ADGRF3: variants seen among roughly 807,000 people sequenced by gnomAD.
ADGRF3 encodes G protein-coupled receptor 113.
A neutral mutation model predicts 93.2 loss-of-function variants in ADGRF3; 85 were observed. The observed-to-expected ratio is 0.91, with a 90% CI of 0.77 to 1.09. ADGRF3 has a LOEUF of 1.09. Ranked by LOEUF, ADGRF3 falls within the 50% of genes least tolerant of loss-of-function variation. The pLI, the probability that ADGRF3 is intolerant of heterozygous loss-of-function variation, is 0.00. For missense variants in ADGRF3, 1,125 were observed against 1,246.2 expected (o/e 0.90, Z 1.46); for synonymous variants, 534 against 532.5 (o/e 1.00, Z -0.04).
chr2:26,343,443 T>A (rs528130450), intron 1 of ADGRF3, among the ~76,000 whole-genome samples: 1 of 151,982 alleles, frequency 6.6e-6, no homozygotes, highest in Admixed American at 6.6e-5. Context: ...TGATCTTTTT[T>A]TTTTTTATTT....
In ADGRF3 at chr2:26,316,410, A is replaced by T. The variant is rs1410878149; in HGVS notation, c.364T>A (p.Cys122Ser). 2.6e-6 allele frequency: 4 copies of T among 1,551,688 alleles called. No homozygotes were observed. In the Admixed American group the frequency reaches 7.8e-5, roughly 30 times the overall value. Residue 122 changes from cysteine to serine, a missense_variant, in exon 4 of 14, where the codon TGC (cysteine) becomes AGC (serine). Transcript: ENST00000651242. ...VNHKGNFYCA[C>S]LSGYQWNTSI... ...GTGTTCCACTGGTAGCCAGAGAGGC[A>T]AGCACAATAGAAATTCCCCTTGTGG...
intron 6 of ADGRF3, 142 bp downstream of exon 6, chr2:26,314,272 G>T: frequency 1.3e-6 from 1 of 790,144 alleles, no homozygotes; most frequent in Non-Finnish European, 2.0e-6. Flanking sequence ...GCTCTGATGG[G>T]GTAGAAAACA....
intron 1 of ADGRF3, among the ~76,000 whole-genome samples, chr2:26,327,361 C>T (rs12621217): frequency 2.6e-5 from 4 of 152,146 alleles, no homozygotes. Flanking sequence ...TTCATTTGCA[C>T]TCTTGATCTT....
At chr2:26,309,724 G>A (rs1232711297) in intron 12 of ADGRF3, 143 bp from the exon 13 acceptor site, 2 of 1,253,970 alleles carry the variant, frequency 1.6e-6, no homozygotes, top group Non-Finnish European at 2.2e-6. Context: ...CTCAGCTACA[G>A]TAACTCCCAT....
At position 26,315,628 on chromosome 2, in the gene ADGRF3, T is replaced by C. The variant is rs1255772078; in HGVS notation, c.612A>G (p.Pro204=). The C allele has an allele frequency of 1.9e-6, 3 of 1,551,598 alleles. No individual in the cohort carries two copies. The highest frequency in any genetic ancestry group is 2.4e-5 in the East Asian group (1 of 40,900). The part of the protein sequence containing the change: ...ATNLSWFLRH[P]GSPSPILLQP... ...GCAGGAGGATGGGACTGGGGCTCCCTGGGTGCCTCAGGAACCAGCTCAGGT... is the reference window on the plus strand; with the variant it reads ...GCAGGAGGATGGGACTGGGGCTCCCCGGGTGCCTCAGGAACCAGCTCAGGT... Residue 204 remains proline, a synonymous_variant, in exon 5 of 14, where the codon CCA becomes CCG. Coordinates refer to ENST00000651242, the MANE Select transcript of ADGRF3 (RefSeq NM_001321971.2).
At chr2:26,323,029 C>G (rs1378812905) in intron 1 of ADGRF3, among the ~76,000 whole-genome samples, 1 of 152,084 alleles carries the variant, frequency 6.6e-6, no homozygotes, top group Non-Finnish European at 1.5e-5. Context: ...ATCCCAGTTA[C>G]TCAGGAGACG....
intron 1 of ADGRF3, among the ~76,000 whole-genome samples, chr2:26,344,305 G>C (rs961772783): frequency 1.3e-5 from 2 of 151,958 alleles, no homozygotes; most frequent in African/African-American, 4.8e-5. Flanking sequence ...CACCACACCC[G>C]GTTAGTTTTT....
rs545018007 is a variant in ADGRF3 at position 26,322,491 on chromosome 2, G to C, written c.115-4929C>G. Among the ~76,000 whole-genome samples the C allele has an allele frequency of 6.6e-5, 10 of 152,126 alleles. No individual in the cohort carries two copies. The South Asian group carries it at 2.1e-3, about 32-fold the overall frequency. On this transcript the variant is annotated intron_variant, in intron 1 of 13. Coordinates refer to ENST00000651242, the MANE Select transcript of ADGRF3 (RefSeq NM_001321971.2). ...GTTCAAATAAAGCTAAGGTGTCCAA[G>C]GTGTTCAAAACTATTGATAAAATTG...
chr2:26,345,940 T>C, intron 1 of ADGRF3, 181 bp downstream of exon 1: 1 of 595,930 alleles, frequency 1.7e-6, no homozygotes, highest in Non-Finnish European at 2.9e-6. Context: ...AGGCGGGACT[T>C]AGTGTTGCCT....
chr2:26,341,036 C>A (rs1676367310), intron 1 of ADGRF3, among the ~76,000 whole-genome samples: 1 of 152,166 alleles, frequency 6.6e-6, no homozygotes, highest in Non-Finnish European at 1.5e-5. Flanking sequence ...CTTCGAATGA[C>A]TACTGACACT....
intron 1 of ADGRF3, chr2:26,318,724 A>G (rs1674918864): frequency 1.2e-5 from 7 of 580,402 alleles, no homozygotes; most frequent in Admixed American, 3.2e-5. Context: ...TACAGCAGGT[A>G]TCATATGAGT....
intron 1 of ADGRF3, among the ~76,000 whole-genome samples, chr2:26,324,973 G>C (rs921760029): frequency 6.6e-6 from 1 of 152,148 alleles, no homozygotes; most frequent in Non-Finnish European, 1.5e-5. Flanking sequence ...TCACAGCCTT[G>C]CCAGCATCTG....
intron 1 of ADGRF3, among the ~76,000 whole-genome samples, chr2:26,328,539 C>T (rs184639410): frequency 1.1e-4 from 16 of 151,378 alleles, no homozygotes; most frequent in Non-Finnish European, 2.1e-4. Flanking sequence ...CTGCAATCTC[C>T]GCCTCCCAGG....
intron 6 of ADGRF3, 123 bp from the exon 7 acceptor site, chr2:26,314,026 G>T: frequency 8.3e-7 from 1 of 1,209,900 alleles, no homozygotes; most frequent in Non-Finnish European, 1.2e-6. Flanking sequence ...GTGGGGAAGA[G>T]CCAAATGATG....
chr2:26,333,517 AT>A (rs1675876562), intron 1 of ADGRF3, among the ~76,000 whole-genome samples: 1 of 49,000 alleles, frequency 2.0e-5, no homozygotes, highest in Admixed American at 2.0e-4. Context: ...GGTACCAGTC[AT>A]CTCATTAGCA....
rs777567619 is a variant in ADGRF3, at chr2:26,310,936, C to G, written c.2588G>C (p.Gly863Ala). 3.1e-6 allele frequency: 5 copies of G among 1,613,468 alleles called. No homozygotes were observed. The Admixed American group carries it at 8.3e-5, about 27-fold the overall frequency. Reference protein sequence around the residue: ...GKGGALYTFVGPVLAIIGVNG... With the variant: ...GKGGALYTFVAPVLAIIGVNG... The stretch of plus-strand genomic sequence containing the variant: ...CACGCCTATGATGGCCAGCACTGGC[C>G]CCACGAAGGTGTATAACGCCCCTCC... The change falls in exon 10 of 14, where the codon GGG (glycine) becomes GCG (alanine). Residue 863 changes from glycine to alanine, a missense_variant. Transcript: ENST00000651242.
rs1043044335 is a variant in ADGRF3, at chr2:26,315,579, TCA to T, written c.659_660del (p.Val220AspfsTer21). On this transcript the variant is annotated frameshift_variant, in exon 5 of 14. Transcript: ENST00000651242. LOFTEE classifies it high-confidence loss of function. ...ILLQPGTQVS[V>X]TSSHGQAALS... ...AGGGCAGCCTGGCCGTGGCTGGAAG[TCA>T]CAGACACCTGTGTCCCTGGCTGCAG... 6.4e-7 allele frequency: 1 copy of T among 1,551,514 alleles called. No individual in the cohort carries two copies.
intron 1 of ADGRF3, among the ~76,000 whole-genome samples, chr2:26,338,485 G>A (rs540289520): frequency 7.2e-5 from 11 of 152,216 alleles, no homozygotes; most frequent in East Asian, 1.9e-4. Context: ...GTTTTGAGAC[G>A]GAGTTTCGCT....
At chr2:26,323,640 T>G (rs978790507) in intron 1 of ADGRF3, among the ~76,000 whole-genome samples, 1 of 150,900 alleles carries the variant, frequency 6.6e-6, no homozygotes, top group Non-Finnish European at 1.5e-5. Flanking sequence ...TTTGTTTTTT[T>G]TTTTTTTGAG....
Sources: allele counts gnomAD v4.1 joint callset (sites outside exome capture counted in the v4.1 genomes callset), GRCh38; gene constraint gnomAD v4.1.1; transcripts MANE v1.5; gene names NCBI Gene and HGNC (gene_info 2026-07-23, HGNC 2026-07-21).